ADAMTS20: variants seen among roughly 807,000 people sequenced by gnomAD.
ADAMTS20 encodes the protein ADAM metallopeptidase with thrombospondin type 1 motif 20.
In ADAMTS20, 225 loss-of-function variants were observed where a neutral mutation model predicts 260.1. That is an observed-to-expected ratio of 0.87 (90% CI 0.78 to 0.97). The LOEUF (loss-of-function observed/expected upper bound fraction) is 0.97, where lower values mean the gene tolerates loss of function less well. ADAMTS20 is among the 50% of genes least tolerant of loss of function. The probability of loss-of-function intolerance (pLI) is 0.00; values close to 1 mark genes in which losing one functional copy is unlikely to be tolerated. For missense variants in ADAMTS20, 2,400 were observed against 2,337.7 expected, an observed-to-expected ratio of 1.03 and a Z score of -0.55; for synonymous variants, 802 against 769.5, an observed-to-expected ratio of 1.04 and a Z score of -0.70.
rs1457626239 is a variant in ADAMTS20, at chr12:43,430,390, T to C, written c.3343A>G (p.Thr1115Ala). 1.2e-6 allele frequency: 2 copies of C among 1,612,570 alleles called. No individual in the cohort carries two copies. Among genetic ancestry groups the C allele is most frequent in the Admixed American group, 1.7e-5 (1 of 59,982 alleles). Residue 1115 changes from threonine (T) to alanine (A), a missense_variant, in exon 23 of 39, where the codon ACA becomes GCA. By Grantham distance (58) the Thr-to-Ala change is moderately conservative (BLOSUM62 0). Transcript: ENST00000389420. ...NELASAVLED[T>A]ECHEASRPSD... is the part of the protein sequence containing the mutation. ...GGGCGACTAGCTTCATGGCATTCTG[T>C]GTCCTCTAACACTGCACTAGCTAGC...
At chr12:43,533,240 T>A (rs972575158) in intron 2 of ADAMTS20, among the ~76,000 whole-genome samples, 1 of 135,506 alleles carries the variant, frequency 7.4e-6, no homozygotes, top group African/African-American at 2.7e-5. Flanking sequence ...TTTTAATGAT[T>A]GCCATTCTAA....
chr12:43,428,930 T>C, intron 24 of ADAMTS20, 131 bp from the exon 25 acceptor site: 2 of 740,650 alleles, frequency 2.7e-6, no homozygotes, highest in South Asian at 4.1e-5. Flanking sequence ...ATAGATAATA[T>C]TACCTGACAT....
Position 43,428,278 on chromosome 12 carries a change from A to C in ADAMTS20, c.3908T>G (p.Val1303Gly). 1 of 1,613,990 alleles carries C rather than the reference A, an allele frequency of 6.2e-7. No homozygotes were observed. The highest frequency in any genetic ancestry group is 8.5e-7 in the Non-Finnish European group (1 of 1,179,870). Residue 1303 changes from valine to glycine, a missense_variant, in exon 26 of 39, where the codon GTC becomes GGC. Transcript: ENST00000389420. ...TCCGGTTCTCCACTGGTTTCCTCTG[A>C]CTGATGGATGGACCACCTGATTTTC... ...DNENQVVHPSVRGNQWRTGPW... is the reference protein window; with the variant it reads ...DNENQVVHPSGRGNQWRTGPW...
At chr12:43,361,618 G>C (rs7959922) in intron 37 of ADAMTS20, among the ~76,000 whole-genome samples, 17 of 152,116 alleles carry the variant, frequency 1.1e-4, no homozygotes, top group Admixed American at 6.5e-4. Flanking sequence ...CTGGGCAATC[G>C]CAGTTTATAG....
intron 18 of ADAMTS20, among the ~76,000 whole-genome samples, chr12:43,438,302 C>T (rs892764670): frequency 9.9e-5 from 15 of 152,262 alleles, no homozygotes; most frequent in Non-Finnish European, 1.8e-4. Flanking sequence ...CTCCTTATAT[C>T]CACGGTCACA....
chr12:43,461,721 C>T (rs1454233450), intron 11 of ADAMTS20, among the ~76,000 whole-genome samples: 2 of 152,094 alleles, frequency 1.3e-5, no homozygotes, highest in Non-Finnish European at 2.9e-5. Context: ...CAGGTAGTCA[C>T]TCTCACAAAT....
chr12:43,440,625 A>G (rs1173852202), intron 16 of ADAMTS20, among the ~76,000 whole-genome samples: 1 of 152,214 alleles, frequency 6.6e-6, no homozygotes, highest in Admixed American at 6.5e-5. Flanking sequence ...TCTATCTCAG[A>G]TGGTCATCTT....
chr12:43,388,665 G>T (rs993350538), intron 29 of ADAMTS20, among the ~76,000 whole-genome samples: 1 of 152,130 alleles, frequency 6.6e-6, no homozygotes, highest in Non-Finnish European at 1.5e-5. Context: ...CTATAAAAGC[G>T]GTACTATGGC....
intron 16 of ADAMTS20, among the ~76,000 whole-genome samples, chr12:43,440,561 A>G (rs1029765722): frequency 1.2e-4 from 18 of 152,252 alleles, no homozygotes; most frequent in African/African-American, 3.9e-4. Context: ...ACAATAAGTT[A>G]GGTAACTTCA....
Position 43,460,984 on chromosome 12 carries a change from A to ATT in ADAMTS20, c.1614+1910_1614+1911insAA, listed in dbSNP as rs1298508563. Among the ~76,000 whole-genome samples the ATT allele has an allele frequency of 6.3e-4, 25 of 39,662 alleles. 1 individual carries two copies. The highest frequency in any genetic ancestry group is 5.1e-3 in the South Asian group (3 of 594). 26.0% of individuals were successfully genotyped at this position (39,662 alleles called of 152,430 possible). A position where few individuals can be genotyped will look rare whatever the true frequency, so the allele number is the denominator to read the frequency against. On this transcript the variant is annotated intron_variant, in intron 11 of 38. Transcript: ENST00000389420. The stretch of plus-strand genomic sequence containing the variant: ...CTAAATTATATATATATATATATAT[A>ATT]TATATTTTTTTTTTTTTTTTTTTTT...
intron 29 of ADAMTS20, among the ~76,000 whole-genome samples, chr12:43,397,917 A>T (rs1940736888): frequency 6.6e-6 from 1 of 152,200 alleles, no homozygotes; most frequent in Non-Finnish European, 1.5e-5. Context: ...TCAGTGAGGC[A>T]CTGACATAAT....
At chr12:43,415,903 G>T (rs1941120982) in intron 28 of ADAMTS20, among the ~76,000 whole-genome samples, 1 of 152,100 alleles carries the variant, frequency 6.6e-6, no homozygotes. Context: ...CATCAGATGG[G>T]CCCTTCACAC....
rs752131617 is a variant in ADAMTS20 at position 43,425,647 on chromosome 12, A to G, written c.4151T>C (p.Ile1384Thr). The G allele has an allele frequency of 1.2e-5, 20 of 1,608,828 alleles. No homozygotes were observed. The African/African-American group carries it at 2.3e-4, about 18-fold the overall frequency. The change falls in exon 28 of 39, where the codon ATA (isoleucine) becomes ACA (threonine). Residue 1384 changes from isoleucine (I) to threonine (T), a missense_variant. Ile to Thr is a moderately conservative substitution (Grantham distance 89). Coordinates refer to ENST00000389420, the MANE Select transcript of ADAMTS20 (RefSeq NM_025003.5). ...CGGGIKSRLV[I>T]CQFPNGQILE... The stretch of plus-strand genomic sequence containing the variant: ...TATTTGGCCATTGGGAAATTGACAT[A>G]TTACAAGTCTTGATTTTATTCCTCC...
At chr12:43,436,823 C>G (rs1165819343) in intron 18 of ADAMTS20, among the ~76,000 whole-genome samples, 1 of 152,194 alleles carries the variant, frequency 6.6e-6, no homozygotes, top group African/African-American at 2.4e-5. Flanking sequence ...GCAGCACCCT[C>G]ATGACAATCA....
At position 43,493,382 on chromosome 12, in the gene ADAMTS20, T is replaced by C. The variant is rs79064278; in HGVS notation, c.868-129A>G. ...GTAGGAATCTTGGAATCTCTTAGAGTGCTTTAACAAATCCTCATGTTCAGA... is the reference window on the plus strand; with the variant it reads ...GTAGGAATCTTGGAATCTCTTAGAGCGCTTTAACAAATCCTCATGTTCAGA... On this transcript the variant is annotated intron_variant, in intron 4 of 38. Coordinates refer to ENST00000389420, the MANE Select transcript of ADAMTS20 (RefSeq NM_025003.5). 1.7e-4 allele frequency: 112 copies of C among 651,178 alleles called. No homozygotes were observed. The East Asian group carries it at 2.8e-3, about 16-fold the overall frequency. 40.3% of individuals were successfully genotyped at this position (651,178 alleles called of 1,614,324 possible). A position where few individuals can be genotyped will look rare whatever the true frequency, so the allele number is the denominator to read the frequency against.
At chr12:43,415,891 A>G (rs1426398865) in intron 28 of ADAMTS20, among the ~76,000 whole-genome samples, 1 of 152,220 alleles carries the variant, frequency 6.6e-6, no homozygotes, top group African/African-American at 2.4e-5. Flanking sequence ...CTTGTTATGC[A>G]TCATCAGATG....
At chr12:43,436,071 G>A (rs1368092833) in intron 18 of ADAMTS20, among the ~76,000 whole-genome samples, 5 of 151,258 alleles carry the variant, frequency 3.3e-5, no homozygotes, top group East Asian at 1.9e-4. Flanking sequence ...ACGCATAAAC[G>A]TAAAAGAAGA....
chr12:43,484,274 G>T (rs186715391), intron 7 of ADAMTS20, among the ~76,000 whole-genome samples: 1 of 152,074 alleles, frequency 6.6e-6, no homozygotes, highest in African/African-American at 2.4e-5. Context: ...TAAAAACAGG[G>T]TTCTGTGACA....
At chr12:43,460,983 TA>T (rs1464926464) in intron 11 of ADAMTS20, among the ~76,000 whole-genome samples, 2,357 of 61,488 alleles carry the variant, frequency 0.038, 153 homozygotes, top group African/African-American at 0.13. Context: ...TATATATATA[TA>T]TATATTTTTT....
Sources: allele counts gnomAD v4.1 joint callset (sites outside exome capture counted in the v4.1 genomes callset), GRCh38; gene constraint gnomAD v4.1.1; transcripts MANE v1.5; gene names NCBI Gene and HGNC (gene_info 2026-07-23, HGNC 2026-07-21).